Variants in TESK2 observed in about 807,000 individuals in gnomAD.
The protein encoded by TESK2 is testis associated actin remodelling kinase 2.
A neutral mutation model predicts 57.1 loss-of-function variants in TESK2; 39 were observed. That is an observed-to-expected ratio of 0.68 (90% CI 0.53 to 0.89). TESK2 has a LOEUF of 0.89. Among genes scored for constraint, TESK2 ranks in the 40% least tolerant of loss-of-function variants. TESK2 has a pLI of 0.00. For missense variants in TESK2, 646 were observed against 732.1 expected (o/e 0.88, Z 1.36); for synonymous variants, 249 against 267.9 (o/e 0.93, Z 0.69).
chr1:45,404,992 A>C (rs1270716496), intron 3 of TESK2, among the ~76,000 whole-genome samples: 2 of 152,192 alleles, frequency 1.3e-5, no homozygotes, highest in East Asian at 3.8e-4. Flanking sequence ...TTATTGTGAC[A>C]GTAGTAATAA....
At chr1:45,372,680 G>A (rs1648241985) in intron 4 of TESK2, among the ~76,000 whole-genome samples, 1 of 151,906 alleles carries the variant, frequency 6.6e-6, no homozygotes, top group Non-Finnish European at 1.5e-5. Context: ...AGAATTTGCG[G>A]CTGTAATGCA....
At chr1:45,394,566 C>T (rs1649277531) in intron 3 of TESK2, among the ~76,000 whole-genome samples, 1 of 151,674 alleles carries the variant, frequency 6.6e-6, no homozygotes, top group African/African-American at 2.4e-5. Context: ...TTTCTAAACT[C>T]CCAGGTGATG....
intron 4 of TESK2, among the ~76,000 whole-genome samples, chr1:45,384,161 C>T (rs971417713): frequency 1.3e-5 from 2 of 152,218 alleles, no homozygotes; most frequent in South Asian, 4.1e-4. Flanking sequence ...ACAGCATTTG[C>T]CACAATTAAT....
intron 2 of TESK2, among the ~76,000 whole-genome samples, chr1:45,422,759 T>TG (rs1553152259): frequency 6.8e-6 from 1 of 146,890 alleles, no homozygotes; most frequent in African/African-American, 2.5e-5. Context: ...TGTCTGGTTT[T>TG]TTGTTGTTGT....
chr1:45,428,147 G>A (rs1650780765), intron 2 of TESK2, among the ~76,000 whole-genome samples: 1 of 152,146 alleles, frequency 6.6e-6, no homozygotes, highest in Non-Finnish European at 1.5e-5. Flanking sequence ...AGGTACTGCT[G>A]TATAACTTCT....
chr1:45,434,771 G>A (rs1011893935), intron 2 of TESK2, among the ~76,000 whole-genome samples: 3 of 151,684 alleles, frequency 2.0e-5, no homozygotes, highest in Non-Finnish European at 2.9e-5. Flanking sequence ...AATAGTTTAC[G>A]AGTATTTCCT....
In TESK2 at chr1:45,344,749, G is replaced by C; in HGVS notation, c.*91C>G. The C allele has an allele frequency of 7.9e-7, 1 of 1,266,320 alleles. No individual in the cohort carries two copies. Among genetic ancestry groups the C allele is most frequent in the Non-Finnish European group, 1.1e-6 (1 of 909,684 alleles). 78.4% of individuals were successfully genotyped at this position (1,266,320 alleles called of 1,614,324 possible). On this transcript the variant is annotated 3_prime_UTR_variant, in exon 11 of 11. Coordinates refer to ENST00000372086, the MANE Select transcript of TESK2 (RefSeq NM_007170.3). ...TTGGCCTAGCCTGCCTGCTCTGTAG[G>C]CTCCAGGGAAGAATCAAGGCTGTGC... is the stretch of plus-strand genomic sequence containing the variant.
At chr1:45,434,007 GT>G (rs1181873127) in intron 2 of TESK2, among the ~76,000 whole-genome samples, 3 of 151,814 alleles carry the variant, frequency 2.0e-5, no homozygotes, top group Non-Finnish European at 4.4e-5. Context: ...TATTGTTGTT[GT>G]TTTTGAGATG....
intron 3 of TESK2, among the ~76,000 whole-genome samples, chr1:45,386,533 T>C (rs1648905168): frequency 6.6e-6 from 1 of 152,072 alleles, no homozygotes; most frequent in African/African-American, 2.4e-5. Context: ...TGTTTTTAAT[T>C]ATTTCAAGAG....
chr1:45,421,817 C>T lies in TESK2; in HGVS notation c.252G>A (p.Met84Ile), dbSNP rs755434211. The change falls in exon 3 of 11, where the codon ATG becomes ATA. Residue 84 changes from methionine to isoleucine, a missense_variant. By Grantham distance (10) the Met-to-Ile change is conservative (BLOSUM62 1). Coordinates refer to ENST00000372086, the MANE Select transcript of TESK2 (RefSeq NM_007170.3). ...KVRHRASGQV[M>I]ALKMNTLSSN... ...TGCTCAATGTGTTCATCTTAAGAGC[C>T]ATCACCTGACCAGAAGCTCGGTGTC... The T allele has an allele frequency of 3.5e-5, 56 of 1,613,984 alleles. No homozygotes were observed. The highest frequency in any genetic ancestry group is 4.7e-5 in the Non-Finnish European group (56 of 1,180,012).
intron 3 of TESK2, among the ~76,000 whole-genome samples, chr1:45,392,386 T>C (rs1649182028): frequency 6.6e-6 from 1 of 151,676 alleles, no homozygotes. Context: ...ATTACAGGCA[T>C]AAGCCACCGT....
At chr1:45,464,512 G>A (rs963064533) in intron 1 of TESK2, among the ~76,000 whole-genome samples, 3 of 151,118 alleles carry the variant, frequency 2.0e-5, no homozygotes, top group Non-Finnish European at 4.4e-5. Context: ...TATCCTATTT[G>A]AAGCTGTTGT....
intron 2 of TESK2, among the ~76,000 whole-genome samples, chr1:45,445,726 T>C (rs1288139921): frequency 1.3e-5 from 2 of 150,846 alleles, no homozygotes; most frequent in Admixed American, 1.3e-4. Context: ...GCCCAGGAAG[T>C]CAAGGCCACA....
intron 4 of TESK2, among the ~76,000 whole-genome samples, chr1:45,381,790 T>C (rs369007053): frequency 1.1e-4 from 17 of 150,794 alleles, no homozygotes; most frequent in African/African-American, 4.1e-4. Flanking sequence ...ACTTCCCTGA[T>C]ACTTGTGACT....
At chr1:45,430,045 C>A (rs1557570340) in intron 2 of TESK2, among the ~76,000 whole-genome samples, 1 of 152,088 alleles carries the variant, frequency 6.6e-6, no homozygotes, top group Non-Finnish European at 1.5e-5. Flanking sequence ...GCAATAAAGA[C>A]TATTGAAGTC....
At chr1:45,363,877 T>G (rs12138495) in intron 4 of TESK2, among the ~76,000 whole-genome samples, 8,527 of 152,240 alleles carry the variant, frequency 0.056, 277 homozygotes, top group Non-Finnish European at 0.076. Flanking sequence ...TTACTCAGTT[T>G]GTTTAATACA....
At chr1:45,412,567 C>A (rs1426368440) in intron 3 of TESK2, among the ~76,000 whole-genome samples, 1 of 152,142 alleles carries the variant, frequency 6.6e-6, no homozygotes, top group Non-Finnish European at 1.5e-5. Context: ...ATTTCTCTTG[C>A]ATTAATCATG....
At chr1:45,372,394 A>T (rs1256030437) in intron 4 of TESK2, among the ~76,000 whole-genome samples, 1 of 152,012 alleles carries the variant, frequency 6.6e-6, no homozygotes, top group East Asian at 1.9e-4. Context: ...CCTGCGCAAC[A>T]TGGTGAAACT....
chr1:45,474,512 G>A (rs187083867), intron 1 of TESK2, among the ~76,000 whole-genome samples: 32 of 151,436 alleles, frequency 2.1e-4, no homozygotes, highest in Admixed American at 3.3e-4. Context: ...TCTCTCTGTC[G>A]TGCAGGCTCA....
Sources: allele counts gnomAD v4.1 joint callset (sites outside exome capture counted in the v4.1 genomes callset), GRCh38; gene constraint gnomAD v4.1.1; transcripts MANE v1.5; gene names NCBI Gene and HGNC (gene_info 2026-07-23, HGNC 2026-07-21).